The following RBFOX1 variants were observed in gnomAD, a reference collection of about 807,000 sequenced individuals.
RBFOX1 encodes RNA binding fox-1 homolog 1.
Under a neutral mutation model 57.7 loss-of-function variants are expected in RBFOX1, and 8 were observed. The observed-to-expected ratio is 0.14, with a 90% CI of 0.08 to 0.25. RBFOX1 has a LOEUF of 0.25. Ranked by LOEUF, RBFOX1 falls within the 10% of genes least tolerant of loss-of-function variation. The pLI, the probability that RBFOX1 is intolerant of heterozygous loss-of-function variation, is 1.00. For missense variants in RBFOX1, 611 were observed against 548.5 expected, an observed-to-expected ratio of 1.11 and a Z score of -1.14; for synonymous variants, 326 against 222.4, an observed-to-expected ratio of 1.47 and a Z score of -4.15.
chr16:5,389,233 G>T (rs761457472), intron 1 of RBFOX1, among the ~76,000 whole-genome samples: 1 of 152,074 alleles, frequency 6.6e-6, no homozygotes, highest in Non-Finnish European at 1.5e-5. Flanking sequence ...TATGATTTTT[G>T]TGAAAATTTC....
intron 3 of RBFOX1, among the ~76,000 whole-genome samples, chr16:5,692,165 CTGTGTGTGTGTGTGTGTGTGTGTGTG>C (rs199585814): frequency 2.2e-4 from 5 of 22,902 alleles, no homozygotes; most frequent in African/African-American, 2.7e-4. Context: ...TAGGGACTGA[CTGTGTGTGTGTGTGTGTGTGTGTGTG>C]TGTGTGTGTG....
intron 2 of RBFOX1, among the ~76,000 whole-genome samples, chr16:6,637,312 ATATAT>A (rs1449484909): frequency 2.0e-5 from 1 of 48,876 alleles, no homozygotes; most frequent in African/African-American, 9.7e-5. Flanking sequence ...AATATATATT[ATATAT>A]TATATATATT....
chr16:5,601,017 C>G (rs1303280987), downstream of RBFOX1, among the ~76,000 whole-genome samples: 3 of 152,208 alleles, frequency 2.0e-5, no homozygotes, highest in African/African-American at 7.2e-5. Flanking sequence ...AGGAGTCTTG[C>G]AGCTTCACAT....
intron 3 of RBFOX1, among the ~76,000 whole-genome samples, chr16:6,668,665 A>G (rs1385324349): frequency 6.6e-6 from 1 of 152,166 alleles, no homozygotes; most frequent in African/African-American, 2.4e-5. Flanking sequence ...TTATGTTTTG[A>G]TGCCTTAATT....
chr16:6,114,458 T>C (rs76413232), intron 1 of RBFOX1, among the ~76,000 whole-genome samples: 25 of 152,366 alleles, frequency 1.6e-4, no homozygotes, highest in African/African-American at 4.3e-4. Context: ...TGGATCTCAT[T>C]ACTTACAGTA....
intron 1 of RBFOX1, among the ~76,000 whole-genome samples, chr16:5,457,044 G>A (rs764992864): frequency 7.9e-5 from 12 of 152,170 alleles, no homozygotes; most frequent in African/African-American, 1.4e-4. Flanking sequence ...GGTGCCGGCC[G>A]GTTTGGTTCC....
At chr16:5,611,153 C>G (rs1211873116) in intron 3 of RBFOX1, 1 of 152,336 alleles carries the variant, frequency 6.6e-6, no homozygotes, top group Admixed American at 6.5e-5. Context: ...CCCGAATCCA[C>G]CCAGTCTCCC....
At chr16:6,021,725 T>G (rs1463946882) in intron 1 of RBFOX1, among the ~76,000 whole-genome samples, 1 of 152,246 alleles carries the variant, frequency 6.6e-6, no homozygotes, top group African/African-American at 2.4e-5. Context: ...AGCACAGGGC[T>G]TCTGGATCCG....
chr16:5,624,074 C>T (rs893141954), intron 3 of RBFOX1, among the ~76,000 whole-genome samples: 1 of 152,132 alleles, frequency 6.6e-6, no homozygotes, highest in Non-Finnish European at 1.5e-5. Context: ...TACAGAAGAG[C>T]AAATAAGGGA....
At chr16:7,522,026 C>G (rs942638432) in intron 5 of RBFOX1, among the ~76,000 whole-genome samples, 5 of 152,188 alleles carry the variant, frequency 3.3e-5, no homozygotes, top group Non-Finnish European at 7.4e-5. Context: ...ATCTCCATTC[C>G]TGGCTTGTGT....
At chr16:7,022,310 C>T (rs74458936) in intron 3 of RBFOX1, among the ~76,000 whole-genome samples, 10,814 of 151,352 alleles carry the variant, frequency 0.071, 634 homozygotes, top group East Asian at 0.27. Context: ...ACCTCAGCCT[C>T]CCAAAGTGCT....
intron 3 of RBFOX1, among the ~76,000 whole-genome samples, chr16:6,840,980 A>G (rs2093430160): frequency 6.6e-6 from 1 of 152,078 alleles, no homozygotes; most frequent in African/African-American, 2.4e-5. Context: ...CAGGAGGTGG[A>G]CACTCACCAG....
intron 4 of RBFOX1, among the ~76,000 whole-genome samples, chr16:7,376,170 T>A (rs549041569): frequency 5.3e-5 from 8 of 152,200 alleles, no homozygotes; most frequent in Admixed American, 1.3e-4. Flanking sequence ...TTGGAACATA[T>A]ATGTTTATGA....
rs548403408 is a variant in RBFOX1 at position 6,127,103 on chromosome 16, T to C, written c.-127+107111T>C. ...AGAACATCTCAGAGGTAGCAGCAAG[T>C]GCATAGGCCTCAGGTTAGGAACAAA... On this transcript the variant is annotated intron_variant, in intron 1 of 15. Transcript: ENST00000550418. Among the ~76,000 whole-genome samples, 5 of 152,224 alleles carry C rather than the reference T, an allele frequency of 3.3e-5. No individual in the cohort carries two copies. The South Asian group carries it at 1.0e-3, about 32-fold the overall frequency.
At chr16:6,982,912 T>C (rs995707706) in intron 3 of RBFOX1, among the ~76,000 whole-genome samples, 1 of 142,920 alleles carries the variant, frequency 7.0e-6, no homozygotes, top group African/African-American at 2.6e-5. Flanking sequence ...GAGAACAACT[T>C]GAACCCAGGA....
At chr16:6,140,584 A>C (rs1239575570) in intron 1 of RBFOX1, among the ~76,000 whole-genome samples, 1 of 152,128 alleles carries the variant, frequency 6.6e-6, no homozygotes, top group African/African-American at 2.4e-5. Flanking sequence ...TCACCTGGGC[A>C]ATGAGAGGAG....
At chr16:6,715,525 C>T (rs1255069935) in intron 3 of RBFOX1, among the ~76,000 whole-genome samples, 1 of 152,192 alleles carries the variant, frequency 6.6e-6, no homozygotes, top group African/African-American at 2.4e-5. Flanking sequence ...AATTTATTCT[C>T]TAACGGAACT....
chr16:7,349,470 C>A (rs549786055), intron 4 of RBFOX1, among the ~76,000 whole-genome samples: 1 of 152,234 alleles, frequency 6.6e-6, no homozygotes, highest in South Asian at 2.1e-4. Flanking sequence ...TTGCCAATGG[C>A]ATTAGGATGA....
At chr16:6,888,587 G>T (rs1473317768) in intron 3 of RBFOX1, among the ~76,000 whole-genome samples, 1 of 151,856 alleles carries the variant, frequency 6.6e-6, no homozygotes, top group Non-Finnish European at 1.5e-5. Context: ...GTGTCCGTAG[G>T]GTTAGAAGTG....
Sources: gnomAD v4.1 joint callset for allele counts (sites outside exome capture counted in the v4.1 genomes callset) on GRCh38, gnomAD v4.1.1 for gene constraint, MANE v1.5 for transcripts, NCBI Gene and HGNC (gene_info 2026-07-23, HGNC 2026-07-21) for gene names.